Variants in LRRC4C observed in about 807,000 individuals in gnomAD.
LRRC4C encodes the protein leucine-rich repeat-containing protein 4C.
In LRRC4C, 5 loss-of-function variants were observed where a neutral mutation model predicts 33.6. The observed-to-expected ratio is 0.15, with a 90% CI of 0.08 to 0.31. LRRC4C has a LOEUF of 0.31. Ranked by LOEUF, LRRC4C falls within the 10% of genes least tolerant of loss-of-function variation. LRRC4C has a pLI of 1.00. For missense variants in LRRC4C, 560 were observed against 796.7 expected, an observed-to-expected ratio of 0.70 and a Z score of 3.58; for synonymous variants, 329 against 302.0, an observed-to-expected ratio of 1.09 and a Z score of -0.93.
intron 6 of LRRC4C, among the ~76,000 whole-genome samples, chr11:40,128,638 CCTCTGT>C (rs2134766538): frequency 6.6e-6 from 1 of 152,228 alleles, no homozygotes; most frequent in South Asian, 2.1e-4. Flanking sequence ...CTCAGCCTGA[CCTCTGT>C]CTGCTTCTCC....
chr11:40,863,072 A>ATT (rs1954181979), intron 2 of LRRC4C, among the ~76,000 whole-genome samples: 1 of 152,236 alleles, frequency 6.6e-6, no homozygotes, highest in African/African-American at 2.4e-5. Flanking sequence ...CAGTGCAAGG[A>ATT]GGAAGATGGA....
At chr11:40,958,748 C>T (rs1383703151) in intron 1 of LRRC4C, among the ~76,000 whole-genome samples, 1 of 151,758 alleles carries the variant, frequency 6.6e-6, no homozygotes, top group African/African-American at 2.4e-5. Flanking sequence ...CTTGAAATCT[C>T]AAATCTTGAA....
chr11:40,171,136 A>G (rs879422919), intron 5 of LRRC4C, among the ~76,000 whole-genome samples: 1 of 152,166 alleles, frequency 6.6e-6, no homozygotes, highest in Non-Finnish European at 1.5e-5. Flanking sequence ...AAAAAATGGA[A>G]AAAAATGAAA....
intron 2 of LRRC4C, among the ~76,000 whole-genome samples, chr11:40,886,305 C>G (rs1359191075): frequency 6.6e-6 from 1 of 151,548 alleles, no homozygotes. Context: ...GCTAAAATAA[C>G]CTGAATATCT....
At chr11:41,235,085 G>A (rs1207437936) in intron 1 of LRRC4C, among the ~76,000 whole-genome samples, 1 of 151,890 alleles carries the variant, frequency 6.6e-6, no homozygotes, top group Non-Finnish European at 1.5e-5. Context: ...AGGACTCCAA[G>A]GTAAAGTCTA....
At chr11:40,477,893 T>G (rs899677167) in intron 3 of LRRC4C, among the ~76,000 whole-genome samples, 1 of 152,072 alleles carries the variant, frequency 6.6e-6, no homozygotes. Flanking sequence ...AGGGACCCAG[T>G]GAGAGATAAC....
intron 1 of LRRC4C, among the ~76,000 whole-genome samples, chr11:41,313,663 C>T (rs1950704573): frequency 6.6e-6 from 1 of 152,018 alleles, no homozygotes; most frequent in Admixed American, 6.6e-5. Flanking sequence ...TTAATATTAC[C>T]ATTAATTTTA....
chr11:41,054,433 T>C (rs1565339830), intron 1 of LRRC4C, among the ~76,000 whole-genome samples: 2 of 152,212 alleles, frequency 1.3e-5, no homozygotes, highest in Admixed American at 6.5e-5. Context: ...ATGGATTTTT[T>C]AGAACTGGTT....
intron 1 of LRRC4C, among the ~76,000 whole-genome samples, chr11:41,145,599 C>G (rs763629): frequency 6.6e-6 from 1 of 151,678 alleles, no homozygotes; most frequent in Non-Finnish European, 1.5e-5. Context: ...AATATATACT[C>G]TACAACACTT....
chr11:40,322,117 G>A (rs1945877104), intron 3 of LRRC4C, among the ~76,000 whole-genome samples: 1 of 152,296 alleles, frequency 6.6e-6, no homozygotes, highest in Admixed American at 6.5e-5. Flanking sequence ...CTGCACAGGT[G>A]AAGGGAATAA....
chr11:40,223,133 T>C (rs1251517757), intron 5 of LRRC4C, among the ~76,000 whole-genome samples: 2 of 152,184 alleles, frequency 1.3e-5, no homozygotes, highest in African/African-American at 4.8e-5. Flanking sequence ...AATGGGTCCA[T>C]TCTTTATTAT....
chr11:41,177,067 C>T (rs796665827), intron 1 of LRRC4C, among the ~76,000 whole-genome samples: 3 of 152,202 alleles, frequency 2.0e-5, no homozygotes, highest in African/African-American at 7.2e-5. Flanking sequence ...CCAACTGATC[C>T]AGGACCTGAA....
chr11:40,559,200 T>C (rs1251688408), intron 3 of LRRC4C, among the ~76,000 whole-genome samples: 4 of 124,980 alleles, frequency 3.2e-5, no homozygotes, highest in East Asian at 5.6e-4. Flanking sequence ...TTTTTTTTTT[T>C]CTGAGGTGGG....
chr11:40,756,840 C>T (rs1310630917), intron 2 of LRRC4C, among the ~76,000 whole-genome samples: 1 of 151,912 alleles, frequency 6.6e-6, no homozygotes, highest in Non-Finnish European at 1.5e-5. Context: ...ATATACAGTT[C>T]AAGCTAGAGG....
chr11:41,439,015 A>G (rs1590282293), intron 1 of LRRC4C, among the ~76,000 whole-genome samples: 1 of 152,242 alleles, frequency 6.6e-6, no homozygotes, highest in Middle Eastern at 3.4e-3. Context: ...AATAGTGTAC[A>G]TTGTACCCAA....
chr11:40,523,206 C>T (rs1955893340), intron 3 of LRRC4C, among the ~76,000 whole-genome samples: 1 of 152,000 alleles, frequency 6.6e-6, no homozygotes, highest in African/African-American at 2.4e-5. Context: ...CATTTATTTT[C>T]TTTGATAATA....
At chr11:40,764,358 C>T (rs1313433383) in intron 2 of LRRC4C, among the ~76,000 whole-genome samples, 1 of 151,616 alleles carries the variant, frequency 6.6e-6, no homozygotes, top group Non-Finnish European at 1.5e-5. Context: ...TAGTGGTGTC[C>T]ACAGGGAAAG....
intron 1 of LRRC4C, among the ~76,000 whole-genome samples, chr11:41,059,859 T>G (rs1190697406): frequency 6.6e-6 from 1 of 152,218 alleles, no homozygotes; most frequent in African/African-American, 2.4e-5. Context: ...ACCCCATCTC[T>G]ACTAAAAATA....
chr11:40,741,827 G>T (rs1043317911), intron 2 of LRRC4C, among the ~76,000 whole-genome samples: 1 of 151,940 alleles, frequency 6.6e-6, no homozygotes, highest in Non-Finnish European at 1.5e-5. Context: ...ACCAAATCAG[G>T]CATCTATAAA....
Sources: allele counts gnomAD v4.1 joint callset (sites outside exome capture counted in the v4.1 genomes callset), GRCh38; gene constraint gnomAD v4.1.1; transcripts MANE v1.5; gene names NCBI Gene and HGNC (gene_info 2026-07-23, HGNC 2026-07-21).